The following CUTC variants were observed in gnomAD, a reference collection of about 807,000 sequenced individuals.
The protein encoded by CUTC is copper homeostasis protein cutC homolog.
Under a neutral mutation model 36.2 loss-of-function variants are expected in CUTC, and 27 were observed. The observed-to-expected ratio is 0.75, with a 90% confidence interval of 0.55 to 1.03. The LOEUF is 1.03. Among genes scored for constraint, CUTC ranks in the 50% least tolerant of loss-of-function variants. The pLI is 0.00. For missense variants in CUTC, 315 were observed against 343.5 expected (o/e 0.92, Z 0.66); for synonymous variants, 114 against 118.3 (o/e 0.96, Z 0.24).
At chr10:99,752,869 A>G (rs1000334891) in intron 7 of CUTC, among the ~76,000 whole-genome samples, 1 of 152,266 alleles carries the variant, frequency 6.6e-6, no homozygotes, top group African/African-American at 2.4e-5. Flanking sequence ...AGGAGCTCAC[A>G]GAATAGACTT....
At chr10:99,739,914 A>T (rs1335053026) in intron 3 of CUTC, 145 bp downstream of exon 3, 7 of 674,920 alleles carry the variant, frequency 1.0e-5, no homozygotes, top group Non-Finnish European at 1.7e-5. Context: ...ATTGTAAAAA[A>T]ATCAAAGATT....
chr10:99,754,459 G>C, intron 7 of CUTC, 70 bp from the exon 8 acceptor site: 1 of 1,018,330 alleles, frequency 9.8e-7, no homozygotes, highest in Non-Finnish European at 1.5e-6. Context: ...AAAGTAAGCA[G>C]TCGTTACTAT....
chr10:99,752,503 C>T (rs1400200080), intron 7 of CUTC, among the ~76,000 whole-genome samples: 6 of 152,054 alleles, frequency 3.9e-5, no homozygotes, highest in Non-Finnish European at 5.9e-5. Flanking sequence ...AATTGTGGTC[C>T]TTTTTGGTTA....
chr10:99,748,637 G>A (rs1233673200), intron 6 of CUTC, among the ~76,000 whole-genome samples: 2 of 152,148 alleles, frequency 1.3e-5, no homozygotes, highest in African/African-American at 4.8e-5. Flanking sequence ...GTACATTGGA[G>A]AGGAATTAAC....
intron 3 of CUTC, 96 bp from the exon 4 acceptor site, chr10:99,743,056 CT>C: frequency 8.6e-7 from 1 of 1,169,362 alleles, no homozygotes; most frequent in Non-Finnish European, 1.3e-6. Flanking sequence ...AGTGTCTGTC[CT>C]ACCTTTTAGA....
At chr10:99,737,395 A>C (rs2037305532) in intron 2 of CUTC, among the ~76,000 whole-genome samples, 1 of 152,238 alleles carries the variant, frequency 6.6e-6, no homozygotes, top group Non-Finnish European at 1.5e-5. Flanking sequence ...GTGGAAGAAA[A>C]TACAACATAT....
rs868468864 is a variant in CUTC at position 99,750,240 on chromosome 10, A to G, written c.574-129A>G. 1.8e-4 allele frequency: 95 copies of G among 515,376 alleles called. No individual in the cohort carries two copies. In the Middle Eastern group the frequency reaches 5.1e-3, roughly 28 times the overall value. 31.9% of individuals were successfully genotyped at this position (515,376 alleles called of 1,614,324 possible). On this transcript the variant is annotated intron_variant, in intron 6 of 8. Coordinates refer to ENST00000370476, the MANE Select transcript of CUTC (RefSeq NM_015960.3). Reference sequence around the variant, plus strand: ...CCAAAGAAATAGAGAAGATCTAGTAAAAATTAAACATTAATAGTAATTTTT... The same window carrying G: ...CCAAAGAAATAGAGAAGATCTAGTAGAAATTAAACATTAATAGTAATTTTT...
chr10:99,735,101 CAAAAAAAAA>C (rs56971127), intron 1 of CUTC, among the ~76,000 whole-genome samples: 3 of 68,794 alleles, frequency 4.4e-5, no homozygotes, highest in South Asian at 7.4e-4. Flanking sequence ...GACTCTGTAT[CAAAAAAAAA>C]AAAAAAAAAA....
At chr10:99,734,888 A>C (rs1345651822) in intron 1 of CUTC, among the ~76,000 whole-genome samples, 1 of 152,110 alleles carries the variant, frequency 6.6e-6, no homozygotes, top group Non-Finnish European at 1.5e-5. Context: ...AGATCGCTTG[A>C]GTGCAGGAGT....
At position 99,754,640 on chromosome 10, in the gene CUTC, A is replaced by G; in HGVS notation, c.707+6A>G. ...GACTCGGGAATGAAGTTTCGGTAAA[A>G]ATGTATTCTTCGATTCAAATAAGAA... On this transcript the variant is annotated splice_donor_region_variant and intron_variant, in intron 8 of 8. Coordinates refer to ENST00000370476, the MANE Select transcript of CUTC (RefSeq NM_015960.3). 1 of 1,584,198 alleles carries G rather than the reference A, an allele frequency of 6.3e-7. No homozygotes were observed. Among genetic ancestry groups the G allele is most frequent in the Non-Finnish European group, 8.6e-7 (1 of 1,156,572 alleles).
At chr10:99,745,437 C>T (rs1242991335) in intron 5 of CUTC, among the ~76,000 whole-genome samples, 1 of 152,170 alleles carries the variant, frequency 6.6e-6, no homozygotes, top group African/African-American at 2.4e-5. Context: ...ACCACCTAAT[C>T]CACTGCAGGC....
At chr10:99,754,744 T>C in intron 8 of CUTC, 110 bp downstream of exon 8, 2 of 725,610 alleles carry the variant, frequency 2.8e-6, no homozygotes, top group Non-Finnish European at 4.8e-6. Flanking sequence ...ATATTGTGAC[T>C]ACTACATAAG....
rs550318681 is a variant in CUTC at position 99,748,855 on chromosome 10, C to T, written c.573+1465C>T. Among the ~76,000 whole-genome samples the T allele has an allele frequency of 3.3e-5, 5 of 152,130 alleles. No individual in the cohort carries two copies. In the East Asian group the frequency reaches 9.6e-4, roughly 29 times the overall value. ...TATAAGCAAGGGCTATAAACAAAAG[C>T]AAGCATAACTTAAAACACTGAGGAA... On this transcript the variant is annotated intron_variant, in intron 6 of 8. Transcript: ENST00000370476.
intron 8 of CUTC, among the ~76,000 whole-genome samples, chr10:99,754,976 G>T (rs2037444095): frequency 1.4e-5 from 1 of 72,732 alleles, no homozygotes; most frequent in African/African-American, 5.3e-5. Flanking sequence ...AATAACTATG[G>T]TGTAAGGATG....
At chr10:99,742,560 A>G (rs1217634840) in intron 3 of CUTC, among the ~76,000 whole-genome samples, 1 of 152,188 alleles carries the variant, frequency 6.6e-6, no homozygotes, top group African/African-American at 2.4e-5. Flanking sequence ...ATACTGGGTA[A>G]ACAACTGATG....
At position 99,755,780 on chromosome 10, in the gene CUTC, T is replaced by G. The variant is rs774852462; in HGVS notation, c.*41T>G. ...AGACATGGATATCACAGGATGAAGG[T>G]AGAACTATAATCTGCAATTCTCTAT... On this transcript the variant is annotated 3_prime_UTR_variant, in exon 9 of 9. Transcript: ENST00000370476. The G allele has an allele frequency of 7.8e-7, 1 of 1,288,718 alleles. No individual in the cohort carries two copies. Among genetic ancestry groups the G allele is most frequent in the South Asian group, 1.2e-5 (1 of 82,790 alleles). The allele number at this position is 1,288,718 out of a possible 1,614,324, so 79.8% of individuals were successfully genotyped here. A position where few individuals can be genotyped will look rare whatever the true frequency, so the allele number is the denominator to read the frequency against.
intron 5 of CUTC, among the ~76,000 whole-genome samples, chr10:99,744,389 C>G (rs2037363491): frequency 6.6e-6 from 1 of 152,178 alleles, no homozygotes; most frequent in East Asian, 1.9e-4. Flanking sequence ...CTCATTTTAA[C>G]TGAGACTGTA....
At position 99,732,554 on chromosome 10, in the gene CUTC, G is replaced by A. The variant is rs1487508177; in HGVS notation, c.61+145G>A. The A allele has an allele frequency of 3.4e-6, 5 of 1,455,050 alleles. No homozygotes were observed. The African/African-American group carries it at 7.2e-5, about 21-fold the overall frequency. 90.1% of individuals were successfully genotyped at this position (1,455,050 alleles called of 1,614,324 possible). A position where few individuals can be genotyped will look rare whatever the true frequency, so the allele number is the denominator to read the frequency against. On this transcript the variant is annotated intron_variant, in intron 1 of 8. Transcript: ENST00000370476. ...GGGCGGCACCTTCTATCTTTGAGGC[G>A]TTAAAGGTGTGGAAACGGAGGGCGT...
chr10:99,741,114 CATT>C (rs1460155435), intron 3 of CUTC, among the ~76,000 whole-genome samples: 3 of 152,290 alleles, frequency 2.0e-5, no homozygotes, highest in African/African-American at 7.2e-5. Context: ...GGATGCAAGA[CATT>C]GTGAATTTTA....
Sources: allele counts gnomAD v4.1 joint callset (sites outside exome capture counted in the v4.1 genomes callset), GRCh38; gene constraint gnomAD v4.1.1; transcripts MANE v1.5; gene names NCBI Gene and HGNC (gene_info 2026-07-23, HGNC 2026-07-21).